The following VWF variants were observed in gnomAD, a reference collection of about 807,000 sequenced individuals.
VWF encodes von Willebrand factor.
VWF carries 176 observed loss-of-function variants against 308.6 expected under a neutral mutation model. The observed-to-expected ratio is 0.57, with a 90% CI of 0.50 to 0.65. VWF has a LOEUF of 0.65. VWF is among the 30% of genes least tolerant of loss of function. The pLI is 0.00. For missense variants in VWF, 3,146 were observed against 3,648.2 expected (o/e 0.86, Z 3.55); for synonymous variants, 1,385 against 1,443.4 (o/e 0.96, Z 0.92).
intron 37 of VWF, 103 bp from the exon 38 acceptor site, chr12:5,992,121 C>T (rs945340394): frequency 4.1e-5 from 46 of 1,118,310 alleles, no homozygotes; most frequent in Non-Finnish European, 5.9e-5. Context: ...CTTGCCAGGG[C>T]AGAGACGGCT....
Position 6,019,452 on chromosome 12 carries a change from G to A in VWF, c.3966C>T (p.His1322=), listed in dbSNP as rs772315276. ...GCCCGATGTAGGCGTGGGAGCCGTC[G>A]TGGTACTCCACCACGGCCACGCGGA... The part of the protein sequence containing the change: ...KWVRVAVVEY[H]DGSHAYIGLK... The change falls in exon 28 of 52, where the codon CAC becomes CAT. Residue 1322 remains histidine (H), a synonymous_variant. Coordinates refer to ENST00000261405, the MANE Select transcript of VWF (RefSeq NM_000552.5). This position sits in a 1 kb window ranked among gnomAD's most constrained non-coding sequence, Gnocchi z 5.8. 3.2e-5 allele frequency: 52 copies of A among 1,613,918 alleles called. No individual in the cohort carries two copies. The highest frequency in any genetic ancestry group is 1.7e-4 in the Middle Eastern group (1 of 6,056).
intron 6 of VWF, among the ~76,000 whole-genome samples, chr12:6,082,066 A>G (rs1461242596): frequency 6.6e-6 from 1 of 151,944 alleles, no homozygotes; most frequent in Non-Finnish European, 1.5e-5. Flanking sequence ...TCTAGGGTTC[A>G]AGCAATTCTC....
chr12:6,078,121 G>A (rs79837239), intron 6 of VWF, among the ~76,000 whole-genome samples: 2 of 152,106 alleles, frequency 1.3e-5, no homozygotes, highest in African/African-American at 4.8e-5. Flanking sequence ...CTAGAATAGT[G>A]AGCAGGTCCC....
intron 20 of VWF, 24 bp from the exon 21 acceptor site, chr12:6,031,602 G>A (rs749521769): frequency 2.5e-6 from 4 of 1,613,860 alleles, no homozygotes; most frequent in Non-Finnish European, 2.5e-6. Context: ...AGTGCCAGGA[G>A]AAGACCATTA....
At chr12:6,108,332 T>TACACACACACAC (rs553993725) in intron 5 of VWF, among the ~76,000 whole-genome samples, 169 of 49,062 alleles carry the variant, frequency 3.4e-3, no homozygotes, top group Non-Finnish European at 7.2e-3. Context: ...GAAAGAAATA[T>TACACACACACAC]ATACACACAC....
chr12:6,068,579 C>T (rs2136466460), intron 10 of VWF, among the ~76,000 whole-genome samples: 1 of 152,158 alleles, frequency 6.6e-6, no homozygotes, highest in South Asian at 2.1e-4. Context: ...TCACAATTCT[C>T]CTGCCTCAGC....
intron 6 of VWF, among the ~76,000 whole-genome samples, chr12:6,081,367 G>A (rs1238186611): frequency 6.6e-6 from 1 of 151,952 alleles, no homozygotes. Flanking sequence ...TTGAGACAGA[G>A]TCTCGCTCTG....
intron 15 of VWF, among the ~76,000 whole-genome samples, chr12:6,053,738 G>A (rs992910206): frequency 3.3e-5 from 5 of 152,228 alleles, no homozygotes; most frequent in Non-Finnish European, 7.3e-5. Context: ...CAGTCTTTGT[G>A]AAGGTTGAAT....
chr12:5,993,814 C>A, intron 37 of VWF, 48 bp downstream of exon 37: 1 of 1,579,746 alleles, frequency 6.3e-7, no homozygotes, highest in Non-Finnish European at 8.6e-7. Context: ...GCTGAGCAAG[C>A]CCAGTTAGCT....
rs1455631248 is a variant in VWF at position 6,052,432 on chromosome 12, T to C, written c.2186+111A>G. 1.9e-6 allele frequency: 3 copies of C among 1,548,038 alleles called. No individual in the cohort carries two copies. In the East Asian group the frequency reaches 6.7e-5, roughly 35 times the overall value. ...GCTGTACAGTTCTGGACAAGTCACT[T>C]CCTTCCTTGGGCCCCAGTTTACCCA... is the stretch of plus-strand genomic sequence containing the variant. On this transcript the variant is annotated intron_variant, in intron 16 of 51. Transcript: ENST00000261405.
intron 1 of VWF, 40 bp from the exon 2 acceptor site, chr12:6,123,236 C>T (rs750934314): frequency 1.2e-6 from 2 of 1,613,328 alleles, no homozygotes; most frequent in Non-Finnish European, 1.7e-6. Context: ...CATTGCTGCC[C>T]AGGTAGGCGG....
At chr12:6,022,219 C>G (rs1944137137) in intron 26 of VWF, among the ~76,000 whole-genome samples, 184 bp from the exon 27 acceptor site, 2 of 151,948 alleles carry the variant, frequency 1.3e-5, no homozygotes, top group South Asian at 4.2e-4. Context: ...CTTGATTGAT[C>G]CCTCTGCAAA....
intron 6 of VWF, among the ~76,000 whole-genome samples, chr12:6,076,701 G>A (rs904878768): frequency 2.6e-5 from 4 of 152,154 alleles, no homozygotes; most frequent in African/African-American, 7.2e-5. Flanking sequence ...TTGGGAAAGG[G>A]GACAGCAAAA....
intron 5 of VWF, among the ~76,000 whole-genome samples, chr12:6,106,650 G>A (rs1350144376): frequency 1.3e-5 from 2 of 151,980 alleles, no homozygotes; most frequent in Admixed American, 6.6e-5. Flanking sequence ...AAGCGGAGGC[G>A]GATCACCTGA....
intron 40 of VWF, among the ~76,000 whole-genome samples, chr12:5,984,394 C>T (rs1006640940): frequency 2.0e-4 from 31 of 152,158 alleles, no homozygotes; most frequent in African/African-American, 6.8e-4. Flanking sequence ...TAAGTTTCTC[C>T]GATTATATGA....
chr12:5,976,769 G>C (rs538433643), intron 42 of VWF, among the ~76,000 whole-genome samples: 32 of 152,200 alleles, frequency 2.1e-4, no homozygotes, highest in Non-Finnish European at 4.3e-4. Flanking sequence ...CAGGGGATAT[G>C]TTTGAGAGAC....
Position 5,994,448 on chromosome 12 carries a change from T to C in VWF, c.6223A>G (p.Lys2075Glu), listed in dbSNP as rs1943784355. The C allele has an allele frequency of 6.2e-7, 1 of 1,614,164 alleles. No homozygotes were observed. The highest frequency in any genetic ancestry group is 1.3e-5 in the African/African-American group (1 of 75,036). The stretch of plus-strand genomic sequence containing the variant: ...CCATACGTCTTTGAAGCAAAAGTCT[T>C]GGGGCTGAGCTGCAGTTGGAACTCA... ...NNEFQLQLSPKTFASKTYGLC... is the reference protein window; with the variant it reads ...NNEFQLQLSPETFASKTYGLC... Residue 2075 changes from lysine to glutamate, a missense_variant, in exon 36 of 52, where the codon AAG becomes GAG. Lys to Glu is a moderately conservative substitution (Grantham distance 56). Transcript: ENST00000261405.
chr12:5,976,062 C>A (rs1265119276), intron 43 of VWF, 49 bp downstream of exon 43: 1 of 1,612,118 alleles, frequency 6.2e-7, no homozygotes, highest in Non-Finnish European at 8.5e-7. Context: ...CCCTCCTCTA[C>A]TTTCCCGCTC....
intron 42 of VWF, among the ~76,000 whole-genome samples, chr12:5,980,588 G>C (rs1057270384): frequency 1.3e-5 from 2 of 152,210 alleles, no homozygotes; most frequent in African/African-American, 4.8e-5. Context: ...AGCAAGGCAG[G>C]AGGGGTGGGC....
Sources: gnomAD v4.1 joint callset for allele counts (sites outside exome capture counted in the v4.1 genomes callset) on GRCh38, gnomAD v4.1.1 for gene constraint, Gnocchi (gnomAD v3.1) non-coding constraint, MANE v1.5 for transcripts, NCBI Gene and HGNC (gene_info 2026-07-23, HGNC 2026-07-21) for gene names.